Variants in MEI4 observed in about 807,000 individuals in gnomAD.
The protein encoded by MEI4 is meiotic double-stranded break formation protein 4.
A neutral mutation model predicts 31.4 loss-of-function variants in MEI4; 27 were observed. That is an observed-to-expected ratio of 0.86 (90% CI 0.63 to 1.19). The LOEUF (loss-of-function observed/expected upper bound fraction) is 1.19, where lower values mean the gene tolerates loss of function less well. Among genes scored for constraint, MEI4 ranks in the 50% most tolerant of loss-of-function variants. MEI4 has a pLI of 0.00. For synonymous variants in MEI4, 122 were observed against 145.4 expected (o/e 0.84, Z 1.16); for missense variants, 329 against 398.9 (o/e 0.82, Z 1.49).
intron 2 of MEI4, among the ~76,000 whole-genome samples, chr6:77,728,593 G>A (rs1231777308): frequency 1.3e-5 from 2 of 152,228 alleles, no homozygotes; most frequent in African/African-American, 4.8e-5. Context: ...AAATAAGCCA[G>A]ATTGAAGTGA....
intron 4 of MEI4, among the ~76,000 whole-genome samples, chr6:77,897,191 A>G (rs541392179): frequency 1.3e-5 from 2 of 152,150 alleles, no homozygotes; most frequent in Non-Finnish European, 1.5e-5. Flanking sequence ...GCATTCCTTT[A>G]CAAAGAAGGA....
intron 2 of MEI4, among the ~76,000 whole-genome samples, chr6:77,745,526 C>G (rs1484653255): frequency 2.0e-5 from 3 of 152,184 alleles, no homozygotes; most frequent in Admixed American, 2.0e-4. Flanking sequence ...TAATGGGAGA[C>G]TTTAATACCC....
At chr6:77,753,653 G>A (rs762942934) in intron 2 of MEI4, among the ~76,000 whole-genome samples, 4 of 152,282 alleles carry the variant, frequency 2.6e-5, no homozygotes, top group African/African-American at 7.2e-5. Flanking sequence ...ACTGTTGGTC[G>A]GAGTGTAAAT....
chr6:77,700,561 G>T (rs1169146520), intron 2 of MEI4, among the ~76,000 whole-genome samples: 1 of 152,198 alleles, frequency 6.6e-6, no homozygotes, highest in African/African-American at 2.4e-5. Flanking sequence ...GCAGTGCCTT[G>T]CCCTGCTTCG....
At chr6:77,702,447 A>G (rs949299440) in intron 2 of MEI4, among the ~76,000 whole-genome samples, 32 of 152,364 alleles carry the variant, frequency 2.1e-4, no homozygotes, top group Non-Finnish European at 4.6e-4. Flanking sequence ...GATTTAAAAC[A>G]TACTTGAATA....
At chr6:77,891,846 G>A (rs551769675) in intron 4 of MEI4, among the ~76,000 whole-genome samples, 16 of 152,302 alleles carry the variant, frequency 1.1e-4, no homozygotes, top group African/African-American at 3.8e-4. Flanking sequence ...ATGTGGGTAT[G>A]CACAGTAGGT....
At chr6:77,910,520 G>A (rs575363937) in intron 4 of MEI4, among the ~76,000 whole-genome samples, 77 of 152,144 alleles carry the variant, frequency 5.1e-4, no homozygotes, top group Non-Finnish European at 9.6e-4. Flanking sequence ...CCTCTTCAAG[G>A]AGAACTAGAA....
At chr6:77,792,098 C>A (rs1475379682) in intron 3 of MEI4, among the ~76,000 whole-genome samples, 2 of 152,090 alleles carry the variant, frequency 1.3e-5, no homozygotes, top group African/African-American at 4.8e-5. Flanking sequence ...CCAGGTTCAT[C>A]CATGTTATTG....
intron 4 of MEI4, among the ~76,000 whole-genome samples, chr6:77,878,329 A>G (rs1404373323): frequency 6.6e-6 from 1 of 152,184 alleles, no homozygotes; most frequent in East Asian, 1.9e-4. Flanking sequence ...GAAGTGTTAA[A>G]TAAATCATAG....
At chr6:77,815,845 G>A (rs1174009347) in intron 3 of MEI4, among the ~76,000 whole-genome samples, 2 of 151,360 alleles carry the variant, frequency 1.3e-5, no homozygotes, top group African/African-American at 4.9e-5. Context: ...CAGAAAAACT[G>A]ACAATTGTGA....
intron 1 of MEI4, among the ~76,000 whole-genome samples, chr6:77,667,899 A>G (rs934122976): frequency 1.2e-4 from 18 of 151,810 alleles, no homozygotes; most frequent in African/African-American, 1.5e-4. Context: ...GTCAAGCTGG[A>G]AGAGTAGCAG....
At chr6:77,856,527 T>C (rs535929931) in intron 4 of MEI4, among the ~76,000 whole-genome samples, 1 of 146,728 alleles carries the variant, frequency 6.8e-6, no homozygotes, top group African/African-American at 2.6e-5. Flanking sequence ...AGAAGGAAAA[T>C]AGAGTAATGA....
chr6:77,735,948 G>C (rs541627522), intron 2 of MEI4, among the ~76,000 whole-genome samples: 3 of 148,082 alleles, frequency 2.0e-5, no homozygotes, highest in South Asian at 4.2e-4. Context: ...GGCTGCTCGG[G>C]GGTCAGGGGT....
chr6:77,907,174 A>C (rs1766315806), intron 4 of MEI4, among the ~76,000 whole-genome samples: 1 of 152,074 alleles, frequency 6.6e-6, no homozygotes, highest in Non-Finnish European at 1.5e-5. Context: ...TTTAGGGTAC[A>C]TGTGCATAAC....
At chr6:77,864,361 G>T (rs1770958316) in intron 4 of MEI4, among the ~76,000 whole-genome samples, 1 of 152,048 alleles carries the variant, frequency 6.6e-6, no homozygotes, top group Non-Finnish European at 1.5e-5. Context: ...ACACACATAG[G>T]CTCAAAATAA....
chr6:77,699,781 T>C (rs921526757), intron 2 of MEI4, among the ~76,000 whole-genome samples: 1 of 152,128 alleles, frequency 6.6e-6, no homozygotes, highest in Non-Finnish European at 1.5e-5. Flanking sequence ...TTCTGTCTGT[T>C]AGTTTTCCTT....
chr6:77,882,444 G>C (rs556040674), intron 4 of MEI4, among the ~76,000 whole-genome samples: 2 of 152,262 alleles, frequency 1.3e-5, no homozygotes, highest in East Asian at 3.9e-4. Context: ...AGCATATTGA[G>C]TTTCTTTCCC....
intron 4 of MEI4, among the ~76,000 whole-genome samples, chr6:77,834,944 C>T (rs1031741605): frequency 2.6e-5 from 4 of 152,140 alleles, no homozygotes; most frequent in African/African-American, 9.7e-5. Context: ...CCTAATCTTT[C>T]TGGATCCTAC....
At chr6:77,749,785 C>T (rs1767717509) in intron 2 of MEI4, among the ~76,000 whole-genome samples, 1 of 152,084 alleles carries the variant, frequency 6.6e-6, no homozygotes, top group Admixed American at 6.6e-5. Flanking sequence ...AAAGATACTC[C>T]TGAAGAAGAG....
Sources: allele counts gnomAD v4.1 joint callset (sites outside exome capture counted in the v4.1 genomes callset), GRCh38; gene constraint gnomAD v4.1.1; transcripts MANE v1.5; gene names NCBI Gene and HGNC (gene_info 2026-07-23, HGNC 2026-07-21).